Variants in FOXP1 observed in about 807,000 individuals in gnomAD.
FOXP1 encodes the protein forkhead box P1.
FOXP1 carries 15 observed loss-of-function variants against 98.2 expected under a neutral mutation model. The observed-to-expected ratio is 0.15, with a 90% confidence interval of 0.10 to 0.24. The LOEUF (loss-of-function observed/expected upper bound fraction) is 0.24. FOXP1 is among the 10% of genes least tolerant of loss of function. The pLI, the probability that FOXP1 is intolerant of heterozygous loss-of-function variation, is 1.00. For missense variants in FOXP1, 633 were observed against 848.5 expected, an observed-to-expected ratio of 0.75 and a Z score of 3.15; for synonymous variants, 371 against 314.5, an observed-to-expected ratio of 1.18 and a Z score of -1.90.
chr3:71,216,420 T>C (rs575895718), intron 5 of FOXP1, among the ~76,000 whole-genome samples: 1 of 152,306 alleles, frequency 6.6e-6, no homozygotes, highest in South Asian at 2.1e-4. Context: ...TGAATGCCCG[T>C]CAACTCAAGA....
At chr3:71,583,338 C>T (rs2048340346) in intron 1 of FOXP1, among the ~76,000 whole-genome samples, 2 of 151,976 alleles carry the variant, frequency 1.3e-5, no homozygotes, top group African/African-American at 4.8e-5. Flanking sequence ...CCCCACCCAT[C>T]CCAGAGCTGG....
chr3:71,410,744 GGCTTTGT>G (rs1230143387), intron 3 of FOXP1, among the ~76,000 whole-genome samples: 3 of 152,176 alleles, frequency 2.0e-5, no homozygotes, highest in Non-Finnish European at 4.4e-5. Flanking sequence ...AAGTGGAATA[GGCTTTGT>G]TCCATGATAC....
At chr3:71,397,775 G>A (rs566565996) in intron 3 of FOXP1, among the ~76,000 whole-genome samples, 1 of 152,244 alleles carries the variant, frequency 6.6e-6, no homozygotes, top group South Asian at 2.1e-4. Context: ...ATACCATTTA[G>A]AATAATTTCT....
At chr3:71,525,197 T>G (rs2043281327) in intron 2 of FOXP1, among the ~76,000 whole-genome samples, 1 of 152,172 alleles carries the variant, frequency 6.6e-6, no homozygotes, top group African/African-American at 2.4e-5. Flanking sequence ...TTAAAATGAA[T>G]TATCACAAGT....
intron 2 of FOXP1, among the ~76,000 whole-genome samples, chr3:71,552,328 A>C (rs2045840875): frequency 6.6e-6 from 1 of 152,216 alleles, no homozygotes; most frequent in African/African-American, 2.4e-5. Context: ...AAAAAACAGA[A>C]CTATGTACAT....
intron 4 of FOXP1, chr3:71,332,605 G>C (rs139450981): frequency 6.6e-6 from 1 of 152,474 alleles, no homozygotes; most frequent in South Asian, 2.1e-4. Flanking sequence ...ATGGTGGCAC[G>C]TGCCTGTAAT....
chr3:70,983,395 G>C (rs1356756995), intron 14 of FOXP1, among the ~76,000 whole-genome samples: 2 of 152,070 alleles, frequency 1.3e-5, no homozygotes, highest in African/African-American at 4.8e-5. Context: ...CTAAAGCAAG[G>C]ACCCAGGCAG....
chr3:71,059,639 C>T (rs1311767912), intron 7 of FOXP1, among the ~76,000 whole-genome samples: 1 of 152,152 alleles, frequency 6.6e-6, no homozygotes, highest in African/African-American at 2.4e-5. Context: ...TTTCCTACTT[C>T]AACCACTTTC....
rs1422672329 is a variant in FOXP1 at position 71,380,111 on chromosome 3, T to TG, written c.-167-20868dup. 7.9e-5 allele frequency among the ~76,000 whole-genome samples: 12 copies of TG among 152,038 alleles called. No individual in the cohort carries two copies. The South Asian group carries it at 2.3e-3, about 29-fold the overall frequency. ...TCTAAAGAATAATAAACCAAAAAGA[T>TG]GGGGGCGGGCAGGCAGGGAGGAGTT... On this transcript the variant is annotated intron_variant, in intron 3 of 20. Coordinates refer to ENST00000649528, the MANE Select transcript of FOXP1 (RefSeq NM_001349338.3).
At chr3:71,422,966 A>T (rs2083781949) in intron 3 of FOXP1, among the ~76,000 whole-genome samples, 1 of 152,158 alleles carries the variant, frequency 6.6e-6, no homozygotes. Context: ...AAGACAAGTC[A>T]AGATTTCCTT....
chr3:71,387,107 A>G (rs993319722), intron 3 of FOXP1, among the ~76,000 whole-genome samples: 4 of 152,228 alleles, frequency 2.6e-5, no homozygotes, highest in African/African-American at 4.8e-5. Flanking sequence ...TCTAATGTTT[A>G]TATTTTCAGC....
chr3:71,096,966 G>A (rs1470170421), intron 7 of FOXP1, among the ~76,000 whole-genome samples: 2 of 152,144 alleles, frequency 1.3e-5, no homozygotes, highest in Non-Finnish European at 2.9e-5. Flanking sequence ...GGGGTGTTAG[G>A]TGGCACCTCT....
chr3:71,522,698 C>T (rs1375976205), intron 2 of FOXP1, among the ~76,000 whole-genome samples: 1 of 152,146 alleles, frequency 6.6e-6, no homozygotes, highest in Non-Finnish European at 1.5e-5. Flanking sequence ...GCCAATCATG[C>T]ACTGATGTCA....
intron 14 of FOXP1, among the ~76,000 whole-genome samples, chr3:70,979,349 C>T (rs2038369955): frequency 1.5e-5 from 2 of 134,252 alleles, no homozygotes; most frequent in African/African-American, 2.9e-5. Context: ...AGCACTGTTT[C>T]AATTTATCTT....
intron 2 of FOXP1, among the ~76,000 whole-genome samples, chr3:71,556,450 G>A (rs1398317957): frequency 2.0e-5 from 3 of 151,954 alleles, no homozygotes; most frequent in Non-Finnish European, 4.4e-5. Context: ...GGTGGCAGGT[G>A]CCTGTAGTTC....
At chr3:71,280,933 A>G (rs1340100530) in intron 5 of FOXP1, among the ~76,000 whole-genome samples, 2 of 151,958 alleles carry the variant, frequency 1.3e-5, no homozygotes, top group Non-Finnish European at 2.9e-5. Flanking sequence ...AAGAGAGAAA[A>G]CAGCTTGTTA....
At chr3:71,579,323 A>T (rs1044306029) in intron 2 of FOXP1, among the ~76,000 whole-genome samples, 2 of 152,178 alleles carry the variant, frequency 1.3e-5, no homozygotes, top group Non-Finnish European at 2.9e-5. Context: ...CCCTTATCTG[A>T]GACAGTTAAT....
rs2048364006 is a variant in FOXP1 at position 71,583,560 on chromosome 3, T to C, written c.-447+11A>G. 3.1e-6 allele frequency: 3 copies of C among 968,616 alleles called. No homozygotes were observed. Among genetic ancestry groups the C allele is most frequent in the African/African-American group, 2.0e-5 (1 of 51,162 alleles). 60.0% of individuals were successfully genotyped at this position (968,616 alleles called of 1,614,324 possible). A position where few individuals can be genotyped will look rare whatever the true frequency, so the allele number is the denominator to read the frequency against. On this transcript the variant is annotated intron_variant, in intron 1 of 20. Transcript: ENST00000649528. The stretch of plus-strand genomic sequence containing the variant: ...AAAAAGTGGAGCAGAAATGGAAAAA[T>C]ACAAACTCACCCGCTGCAAATGGTC...
intron 3 of FOXP1, among the ~76,000 whole-genome samples, chr3:71,449,247 C>T (rs1429037429): frequency 6.6e-6 from 1 of 152,118 alleles, no homozygotes; most frequent in Non-Finnish European, 1.5e-5. Flanking sequence ...AAGCAAGGTG[C>T]CTAGGGTGCA....
Sources: gnomAD v4.1 joint callset for allele counts (sites outside exome capture counted in the v4.1 genomes callset) on GRCh38, gnomAD v4.1.1 for gene constraint, MANE v1.5 for transcripts, NCBI Gene and HGNC (gene_info 2026-07-23, HGNC 2026-07-21) for gene names.